Variants in POC1A observed in about 807,000 individuals in gnomAD.
POC1A encodes the protein POC1 centriolar protein homolog A.
A neutral mutation model predicts 47.8 loss-of-function variants in POC1A; 34 were observed. That is an observed-to-expected ratio of 0.71 (90% confidence interval 0.54 to 0.95). The LOEUF is 0.95. Ranked by LOEUF, POC1A falls within the 40% of genes least tolerant of loss-of-function variation. POC1A has a pLI of 0.00. For synonymous variants in POC1A, 177 were observed against 207.6 expected, an observed-to-expected ratio of 0.85 and a Z score of 1.27; for missense variants, 466 against 528.3, an observed-to-expected ratio of 0.88 and a Z score of 1.16.
chr3:52,149,499 G>T, intron 3 of POC1A, 110 bp from the exon 4 acceptor site: 1 of 985,844 alleles, frequency 1.0e-6, no homozygotes. Context: ...AGTCAGTCAA[G>T]CCCGAGTACC....
Position 52,099,094 on chromosome 3 carries a change from G to A in POC1A, c.982-2382C>T, listed in dbSNP as rs529521841. 2.5e-4 allele frequency among the ~76,000 whole-genome samples: 38 copies of A among 152,276 alleles called. No homozygotes were observed. The South Asian group carries it at 7.7e-3, about 31-fold the overall frequency. On this transcript the variant is annotated intron_variant, in intron 9 of 10. Transcript: ENST00000296484. Reference sequence around the variant, plus strand: ...TCCCCATGGAGGCCTCTGAATCCTAGGTCTAATGCTTTTTGCGTCACTTCC... The same window carrying A: ...TCCCCATGGAGGCCTCTGAATCCTAAGTCTAATGCTTTTTGCGTCACTTCC...
At chr3:52,124,947 A>G (rs1283943213) in intron 8 of POC1A, among the ~76,000 whole-genome samples, 166 bp downstream of exon 8, 2 of 152,168 alleles carry the variant, frequency 1.3e-5, no homozygotes, top group Non-Finnish European at 2.9e-5. Flanking sequence ...AGGCCCCTGG[A>G]TCTGGGCAAC....
At chr3:52,126,325 G>A (rs2107110594) in intron 7 of POC1A, among the ~76,000 whole-genome samples, 1 of 152,354 alleles carries the variant, frequency 6.6e-6, no homozygotes, top group East Asian at 1.9e-4. Flanking sequence ...AGGCCATGGA[G>A]GAAGGCAGCT....
At chr3:52,100,675 C>T (rs963453469) in intron 9 of POC1A, among the ~76,000 whole-genome samples, 12 of 152,132 alleles carry the variant, frequency 7.9e-5, no homozygotes, top group African/African-American at 2.7e-4. Flanking sequence ...GAGTGCAGAA[C>T]CCCCAGGTGC....
At chr3:52,124,625 A>G (rs1217860021) in intron 8 of POC1A, among the ~76,000 whole-genome samples, 1 of 152,198 alleles carries the variant, frequency 6.6e-6, no homozygotes, top group Non-Finnish European at 1.5e-5. Flanking sequence ...CAGCTCTAGC[A>G]TCTGCTGGGA....
At position 52,109,649 on chromosome 3, in the gene POC1A, G is replaced by A. The variant is rs374636192; in HGVS notation, c.981+12730C>T. On this transcript the variant is annotated intron_variant, in intron 9 of 10. Coordinates refer to ENST00000296484, the MANE Select transcript of POC1A (RefSeq NM_015426.5). ...GGCAGATGACTTTGTCTAAGTCCAC[G>A]GAACGTTCTGACCAGCCTTTAGCAC... is the stretch of plus-strand genomic sequence containing the variant. 2.5e-4 allele frequency among the ~76,000 whole-genome samples: 38 copies of A among 152,220 alleles called. No homozygotes were observed. The South Asian group carries it at 6.4e-3, about 26-fold the overall frequency.
At chr3:52,148,331 C>G (rs563198324) in intron 4 of POC1A, among the ~76,000 whole-genome samples, 1 of 152,298 alleles carries the variant, frequency 6.6e-6, no homozygotes, top group East Asian at 1.9e-4. Context: ...TCTCCCAGGA[C>G]AAAGGAATGG....
intron 9 of POC1A, 111 bp from the exon 10 acceptor site, chr3:52,096,823 A>G (rs1410058315): frequency 1.0e-6 from 1 of 986,696 alleles, no homozygotes; most frequent in East Asian, 2.7e-5. Context: ...AAATTTGAGA[A>G]GGTAAGCTCC....
chr3:52,125,272 A>C, intron 7 of POC1A, 91 bp from the exon 8 acceptor site: 1 of 1,100,984 alleles, frequency 9.1e-7, no homozygotes, highest in South Asian at 1.3e-5. Context: ...GAATGAAAGC[A>C]GCAGCAGGAT....
At chr3:52,129,034 C>T (rs1704115353) in intron 7 of POC1A, among the ~76,000 whole-genome samples, 1 of 152,084 alleles carries the variant, frequency 6.6e-6, no homozygotes, top group South Asian at 2.1e-4. Flanking sequence ...AATCCCAGTA[C>T]TTTGGAAGGC....
At chr3:52,077,889 AAT>A (rs1338794339) in intron 10 of POC1A, among the ~76,000 whole-genome samples, 4 of 152,056 alleles carry the variant, frequency 2.6e-5, no homozygotes, top group Non-Finnish European at 5.9e-5. Flanking sequence ...GGCCAACGTC[AAT>A]ACAAGGGACT....
chr3:52,133,745 C>T (rs1168294414), intron 7 of POC1A, among the ~76,000 whole-genome samples: 2 of 152,146 alleles, frequency 1.3e-5, no homozygotes, highest in Non-Finnish European at 2.9e-5. Flanking sequence ...TTTTTCTACC[C>T]CAAACCTCCC....
In POC1A at chr3:52,149,789, C is replaced by A. The variant is rs41292356; in HGVS notation, c.275+27G>T. On this transcript the variant is annotated intron_variant, in intron 3 of 10. Coordinates refer to ENST00000296484, the MANE Select transcript of POC1A (RefSeq NM_015426.5). ...CTGGCACCAGGGCCCCAGACTCCAACAAGCCTCCTCAAAGTGTACGACTCA... is the reference window on the plus strand; with the variant it reads ...CTGGCACCAGGGCCCCAGACTCCAAAAAGCCTCCTCAAAGTGTACGACTCA... 7.7e-3 allele frequency: 12,253 copies of A among 1,600,246 alleles called. 94 individuals carry two copies. Among genetic ancestry groups the A allele is most frequent in the Middle Eastern group, 0.015 (88 of 5,890 alleles).
At chr3:52,121,375 A>G (rs1039493320) in intron 9 of POC1A, among the ~76,000 whole-genome samples, 4 of 152,234 alleles carry the variant, frequency 2.6e-5, no homozygotes, top group Non-Finnish European at 4.4e-5. Flanking sequence ...AACTGGCCAC[A>G]GATTAGCAAG....
chr3:52,117,587 C>T (rs1373122443), intron 9 of POC1A, among the ~76,000 whole-genome samples: 1 of 152,140 alleles, frequency 6.6e-6, no homozygotes, highest in East Asian at 1.9e-4. Flanking sequence ...GAGCTTTCCT[C>T]CTTAAAATGA....
chr3:52,152,749 T>C (rs1207324254), intron 1 of POC1A, among the ~76,000 whole-genome samples: 2 of 152,198 alleles, frequency 1.3e-5, no homozygotes, highest in African/African-American at 4.8e-5. Context: ...CAACAAGTGA[T>C]TGAACCCAAA....
rs571812278 is a variant in POC1A, at chr3:52,079,518, C to T, written c.1126-3533G>A. Among the ~76,000 whole-genome samples the T allele has an allele frequency of 6.6e-6, 1 of 152,366 alleles. No individual in the cohort carries two copies. Among genetic ancestry groups the T allele is most frequent in the East Asian group, 1.9e-4 (1 of 5,188 alleles). On this transcript the variant is annotated intron_variant, in intron 10 of 10. Coordinates refer to ENST00000296484, the MANE Select transcript of POC1A (RefSeq NM_015426.5). The surrounding 1 kb of genome is among the most constrained non-coding windows in gnomAD (Gnocchi z 4.6). The stretch of plus-strand genomic sequence containing the variant: ...TATTCAAGGAAAAATGAGCGCTGAC[C>T]TTCCAAACAGTTCCTTGATCACACT...
At chr3:52,110,130 G>C (rs1159757511) in intron 9 of POC1A, among the ~76,000 whole-genome samples, 1 of 152,186 alleles carries the variant, frequency 6.6e-6, no homozygotes, top group African/African-American at 2.4e-5. Context: ...GCCCACAGAC[G>C]TGAGAATGCT....
intron 10 of POC1A, among the ~76,000 whole-genome samples, chr3:52,095,173 G>A (rs1702770234): frequency 1.3e-5 from 2 of 152,300 alleles, no homozygotes; most frequent in Non-Finnish European, 2.9e-5. Context: ...GGTTTGAAGT[G>A]GGGTGGCTTT....
Sources: allele counts gnomAD v4.1 joint callset (sites outside exome capture counted in the v4.1 genomes callset), GRCh38; gene constraint gnomAD v4.1.1; non-coding constraint Gnocchi (gnomAD v3.1); transcripts MANE v1.5; gene names NCBI Gene and HGNC (gene_info 2026-07-23, HGNC 2026-07-21).